B3GALT1: variants seen among roughly 807,000 people sequenced by gnomAD.
B3GALT1 encodes the protein beta-1,3-galactosyltransferase 1, also known as UDP-Gal:betaGlcNAc beta 1,3-galactosyltransferase, polypeptide 1.
Under a neutral mutation model 23.2 loss-of-function variants are expected in B3GALT1, and 10 were observed. The ratio of observed to expected loss-of-function variants is 0.43; its 90% CI spans 0.27 to 0.73. The LOEUF (loss-of-function observed/expected upper bound fraction) is 0.73. Ranked by LOEUF, B3GALT1 falls within the 30% of genes least tolerant of loss-of-function variation. The pLI is 0.21. For synonymous variants in B3GALT1, 156 were observed against 141.5 expected (o/e 1.10, Z -0.73); for missense variants, 299 against 405.4 (o/e 0.74, Z 2.25).
chr2:167,588,419 G>A (rs547494425), intron 2 of B3GALT1, among the ~76,000 whole-genome samples: 4 of 152,250 alleles, frequency 2.6e-5, no homozygotes, highest in South Asian at 4.1e-4. Flanking sequence ...TGAAAGACTT[G>A]CTGAAGCTAA....
chr2:167,670,074 T>G (rs1427427155), intron 3 of B3GALT1, among the ~76,000 whole-genome samples: 1 of 152,200 alleles, frequency 6.6e-6, no homozygotes, highest in Non-Finnish European at 1.5e-5. Flanking sequence ...CTATCCATGC[T>G]TTCAGTACTC....
At chr2:167,852,254 A>G (rs527575275) in intron 4 of B3GALT1, among the ~76,000 whole-genome samples, 2 of 152,304 alleles carry the variant, frequency 1.3e-5, no homozygotes, top group African/African-American at 4.8e-5. Flanking sequence ...ATCACTTCTT[A>G]GAGACACAAT....
chr2:167,708,727 C>T (rs116275236), intron 3 of B3GALT1, among the ~76,000 whole-genome samples: 2,518 of 152,280 alleles, frequency 0.017, 77 homozygotes, highest in African/African-American at 0.057. Flanking sequence ...GCAGCTCCTT[C>T]TAGCTCCAGC....
chr2:167,808,108 G>C (rs924317957), intron 3 of B3GALT1, among the ~76,000 whole-genome samples: 13 of 150,984 alleles, frequency 8.6e-5, no homozygotes, highest in African/African-American at 3.2e-4. Flanking sequence ...TGTTTTATCA[G>C]AGACTAGGAT....
At chr2:167,509,590 C>T (rs1559117724) in intron 2 of B3GALT1, among the ~76,000 whole-genome samples, 1 of 151,988 alleles carries the variant, frequency 6.6e-6, no homozygotes, top group Non-Finnish European at 1.5e-5. Flanking sequence ...TTTCTTAAGT[C>T]CTGAAGTAAA....
At chr2:167,666,774 C>T (rs1686199239) in intron 3 of B3GALT1, among the ~76,000 whole-genome samples, 1 of 151,940 alleles carries the variant, frequency 6.6e-6, no homozygotes, top group African/African-American at 2.4e-5. Flanking sequence ...GTTTGCAACC[C>T]CTGCCTTTTT....
At chr2:167,541,216 T>C (rs1335664560) in intron 2 of B3GALT1, among the ~76,000 whole-genome samples, 1 of 152,156 alleles carries the variant, frequency 6.6e-6, no homozygotes, top group East Asian at 1.9e-4. Context: ...GATCATATGA[T>C]CAAGAGGATA....
At chr2:167,546,010 G>A (rs906320169) in intron 2 of B3GALT1, among the ~76,000 whole-genome samples, 1 of 152,108 alleles carries the variant, frequency 6.6e-6, no homozygotes, top group Non-Finnish European at 1.5e-5. Flanking sequence ...TACTAATTTT[G>A]TGCATGAAAC....
chr2:167,762,279 T>G (rs777502580), intron 3 of B3GALT1, among the ~76,000 whole-genome samples: 1 of 152,164 alleles, frequency 6.6e-6, no homozygotes, highest in Non-Finnish European at 1.5e-5. Context: ...TACCAATACA[T>G]ACAAGAAATT....
intron 1 of B3GALT1, among the ~76,000 whole-genome samples, chr2:167,451,948 A>C (rs7567369): frequency 0.11 from 16,969 of 152,136 alleles, 1,100 homozygotes; most frequent in African/African-American, 0.19. Flanking sequence ...TGTGTCGTGC[A>C]GGCTGCCAGG....
chr2:167,449,128 T>G (rs948828243), intron 1 of B3GALT1, among the ~76,000 whole-genome samples: 1 of 152,204 alleles, frequency 6.6e-6, no homozygotes, highest in Non-Finnish European at 1.5e-5. Context: ...TCTAGTTCTG[T>G]GAAGAATGAT....
chr2:167,692,935 G>A (rs1686737039), intron 3 of B3GALT1, among the ~76,000 whole-genome samples: 1 of 151,972 alleles, frequency 6.6e-6, no homozygotes, highest in South Asian at 2.1e-4. Context: ...ATGCAATTCA[G>A]GCCAATTTCC....
chr2:167,393,061 C>T (rs947271990), intron 1 of B3GALT1, among the ~76,000 whole-genome samples: 2 of 151,880 alleles, frequency 1.3e-5, no homozygotes, highest in South Asian at 2.1e-4. Context: ...GGTGAAACCC[C>T]GTCTCTACTA....
intron 1 of B3GALT1, among the ~76,000 whole-genome samples, chr2:167,315,972 T>C (rs1696710276): frequency 6.6e-6 from 1 of 152,202 alleles, no homozygotes; most frequent in African/African-American, 2.4e-5. Flanking sequence ...CATATTTACA[T>C]AATTTTTCAG....
intron 2 of B3GALT1, among the ~76,000 whole-genome samples, chr2:167,546,798 G>A (rs1027478094): frequency 3.3e-5 from 5 of 152,000 alleles, no homozygotes; most frequent in Non-Finnish European, 5.9e-5. Flanking sequence ...TTTCCCTGTG[G>A]TGCAGTCAAA....
At chr2:167,400,946 C>G (rs1004910837) in intron 1 of B3GALT1, among the ~76,000 whole-genome samples, 1 of 152,154 alleles carries the variant, frequency 6.6e-6, no homozygotes, top group Non-Finnish European at 1.5e-5. Flanking sequence ...GAACTTCAAA[C>G]AGACAGCTTC....
intron 2 of B3GALT1, among the ~76,000 whole-genome samples, chr2:167,586,199 A>T (rs906808437): frequency 6.6e-6 from 1 of 152,200 alleles, no homozygotes; most frequent in African/African-American, 2.4e-5. Context: ...CTTTGTTTTG[A>T]AAAAAATTCT....
intron 1 of B3GALT1, among the ~76,000 whole-genome samples, chr2:167,365,585 T>TAC (rs10683932): frequency 0.29 from 40,695 of 140,250 alleles, 5,662 homozygotes; most frequent in East Asian, 0.42. Flanking sequence ...GAGATACAAA[T>TAC]ACACACACAC....
intron 2 of B3GALT1, among the ~76,000 whole-genome samples, chr2:167,642,145 T>A (rs915733960): frequency 6.6e-6 from 1 of 152,170 alleles, no homozygotes; most frequent in East Asian, 1.9e-4. Context: ...CACTGCAGAC[T>A]TGGGGAGACA....
Sources: gnomAD v4.1 joint callset for allele counts (sites outside exome capture counted in the v4.1 genomes callset) on GRCh38, gnomAD v4.1.1 for gene constraint, MANE v1.5 for transcripts, NCBI Gene and HGNC (gene_info 2026-07-23, HGNC 2026-07-21) for gene names.